Variants in NADSYN1 observed in about 807,000 individuals in gnomAD.
NADSYN1 encodes the protein NAD synthetase 1.
In NADSYN1, 80 loss-of-function variants were observed where a neutral mutation model predicts 99.3. The ratio of observed to expected loss-of-function variants is 0.81; its 90% CI spans 0.67 to 0.97. The LOEUF is 0.97. Among genes scored for constraint, NADSYN1 ranks in the 50% least tolerant of loss-of-function variants. The pLI, the probability that NADSYN1 is intolerant of heterozygous loss-of-function variation, is 0.00. For synonymous variants in NADSYN1, 385 were observed against 372.1 expected, an observed-to-expected ratio of 1.03 and a Z score of -0.40; for missense variants, 859 against 948.5, an observed-to-expected ratio of 0.91 and a Z score of 1.24.
intron 2 of NADSYN1, chr11:71,455,380 A>G (rs1156814759): frequency 1.2e-5 from 6 of 490,026 alleles, no homozygotes; most frequent in Non-Finnish European, 2.2e-5. Flanking sequence ...TTGAGTAATT[A>G]AAAGAACTGA....
intron 18 of NADSYN1, 120 bp downstream of exon 18, chr11:71,492,023 C>T: frequency 1.1e-6 from 1 of 920,736 alleles, no homozygotes; most frequent in Non-Finnish European, 1.6e-6. Context: ...TCACTGGGTC[C>T]CTGGCCTGGG....
chr11:71,492,885 A>G (rs80127228), intron 18 of NADSYN1, among the ~76,000 whole-genome samples: 1 of 134,968 alleles, frequency 7.4e-6, no homozygotes, highest in Admixed American at 7.3e-5. Flanking sequence ...AGTTGTCTCT[A>G]AATTTTTTTT....
At chr11:71,481,501 A>G (rs1439948720) in intron 12 of NADSYN1, 97 bp downstream of exon 12, 7 of 1,123,818 alleles carry the variant, frequency 6.2e-6, no homozygotes, top group African/African-American at 1.8e-5. Flanking sequence ...TTTTTTTTTT[A>G]GTGCAAACAA....
In NADSYN1 at chr11:71,501,345, T is replaced by G; in HGVS notation, c.2114T>G (p.Val705Gly). Residue 705 changes from valine to glycine, a missense_variant, in exon 21 of 21, where the codon GTG becomes GGG. Val to Gly is a moderately radical substitution (Grantham distance 109). Coordinates refer to ENST00000319023, the MANE Select transcript of NADSYN1 (RefSeq NM_018161.5). ...GCAGAGCCACAGTCCCTGGACGGCG[T>G]GGACTGAGGCCGGTTCCTTCCTGGA... ...ERAEPQSLDG[V>G]D The G allele has an allele frequency of 6.2e-7, 1 of 1,606,748 alleles. No individual in the cohort carries two copies. The highest frequency in any genetic ancestry group is 8.5e-7 in the Non-Finnish European group (1 of 1,177,002).
rs944492714 is a variant in NADSYN1, at chr11:71,458,330, G to A, written c.147-98G>A. 6.9e-5 allele frequency: 59 copies of A among 857,004 alleles called. No homozygotes were observed. In the African/African-American group the frequency reaches 8.9e-4, roughly 13 times the overall value. The allele number at this position is 857,004 out of a possible 1,614,324, so 53.1% of individuals were successfully genotyped here. On this transcript the variant is annotated intron_variant, in intron 2 of 20. Transcript: ENST00000319023. ...GGCTTTGAGAAAACACCTGAGCCCC[G>A]GCCCCCAGACACGTTCAGACTGGAC... is the stretch of plus-strand genomic sequence containing the variant.
At chr11:71,472,620 C>T (rs1401861683) in intron 6 of NADSYN1, 120 bp downstream of exon 6, 3 of 916,354 alleles carry the variant, frequency 3.3e-6, no homozygotes, top group Non-Finnish European at 5.3e-6. Flanking sequence ...ACAGTGCTCA[C>T]AGGTCTGAAA....
chr11:71,495,322 A>G (rs4944997), intron 18 of NADSYN1, among the ~76,000 whole-genome samples: 115,717 of 152,210 alleles, frequency 0.76, 46,033 homozygotes, highest in Non-Finnish European at 0.9. Context: ...CCACGTATGC[A>G]TGAATTTCCA....
rs369928082 is a variant in NADSYN1, at chr11:71,458,477, T to A, written c.196T>A (p.Ser66Thr). 6.9e-5 allele frequency: 111 copies of A among 1,613,924 alleles called. No homozygotes were observed. Among genetic ancestry groups the A allele is most frequent in the Non-Finnish European group, 8.6e-5 (102 of 1,179,948 alleles). ...TTACGAGTCGGACACCCTCTTGCAC[T>A]CGTTTCAAGTCCTAGCGGCCCTTGT... ...HYYESDTLLHSFQVLAALVES... is the reference protein window; with the variant it reads ...HYYESDTLLHTFQVLAALVES... The change falls in exon 3 of 21, where the codon TCG (serine) becomes ACG (threonine). Residue 66 changes from serine (S) to threonine (T), a missense_variant. Physicochemically the swap from Ser to Thr is moderately conservative, Grantham distance 58. Coordinates refer to ENST00000319023, the MANE Select transcript of NADSYN1 (RefSeq NM_018161.5).
chr11:71,490,274 C>T (rs1045623385), intron 16 of NADSYN1, among the ~76,000 whole-genome samples: 1 of 152,216 alleles, frequency 6.6e-6, no homozygotes, highest in South Asian at 2.1e-4. Flanking sequence ...CACTTTCACC[C>T]CCTTCTTTTA....
At chr11:71,483,162 C>T (rs1019263994) in intron 14 of NADSYN1, 145 bp downstream of exon 14, 22 of 1,002,212 alleles carry the variant, frequency 2.2e-5, no homozygotes, top group East Asian at 7.7e-5. Context: ...GTAAGTGCTC[C>T]ATCCCTTTTT....
intron 1 of NADSYN1, 93 bp downstream of exon 1, chr11:71,453,474 C>G: frequency 8.4e-7 from 1 of 1,190,208 alleles, no homozygotes; most frequent in East Asian, 2.6e-5. Context: ...ACAGCCTTGC[C>G]CTGGGAAACT....
chr11:71,454,025 A>G (rs1448408281), intron 1 of NADSYN1, among the ~76,000 whole-genome samples: 1 of 152,152 alleles, frequency 6.6e-6, no homozygotes, highest in African/African-American at 2.4e-5. Flanking sequence ...TTTCGTTCAT[A>G]TGGACGCACC....
intron 14 of NADSYN1, 30 bp downstream of exon 14, chr11:71,483,047 C>G: frequency 6.2e-7 from 1 of 1,610,254 alleles, no homozygotes; most frequent in Non-Finnish European, 8.5e-7. Flanking sequence ...TTGGGCATGG[C>G]AGGTGGCTGA....
intron 6 of NADSYN1, 128 bp from the exon 7 acceptor site, chr11:71,473,150 C>T (rs531781461): frequency 1.9e-5 from 17 of 886,340 alleles, no homozygotes; most frequent in Admixed American, 1.1e-4. Context: ...CCCACCTCTT[C>T]GGAATGTGCG....
chr11:71,461,870 G>A (rs1481782992), intron 3 of NADSYN1, among the ~76,000 whole-genome samples: 2 of 152,216 alleles, frequency 1.3e-5, no homozygotes, highest in African/African-American at 2.4e-5. Context: ...ATTACAGTAG[G>A]ACATGAGATT....
At chr11:71,496,116 T>C (rs1022835173) in intron 18 of NADSYN1, among the ~76,000 whole-genome samples, 5 of 152,104 alleles carry the variant, frequency 3.3e-5, no homozygotes, top group Non-Finnish European at 7.4e-5. Flanking sequence ...CTGCATCTGC[T>C]CCATGAGCCA....
chr11:71,484,862 A>C, intron 15 of NADSYN1: 1 of 199,202 alleles, frequency 5.0e-6, no homozygotes, highest in South Asian at 1.1e-4. Context: ...TGTGCTTGTG[A>C]GTGCTTGTGC....
In NADSYN1 at chr11:71,480,805, G is replaced by A. The variant is rs76770512; in HGVS notation, c.924G>A (p.Ser308=). 2.1e-4 allele frequency: 333 copies of A among 1,614,040 alleles called. No homozygotes were observed. The highest frequency in any genetic ancestry group is 8.0e-4 in the East Asian group (36 of 44,884). Residue 308 remains serine (S), a synonymous_variant, in exon 11 of 21, where the codon TCG becomes TCA. Coordinates refer to ENST00000319023, the MANE Select transcript of NADSYN1 (RefSeq NM_018161.5). The part of the protein sequence containing the change: ...YPRVKVDFAL[S]CHEDLLAPIS... ...GAGTGAAGGTGGACTTTGCCCTCTCGTGCCACGAGGACTTGCTGGCACCCA... is the reference window on the plus strand; with the variant it reads ...GAGTGAAGGTGGACTTTGCCCTCTCATGCCACGAGGACTTGCTGGCACCCA...
Position 71,482,087 on chromosome 11 carries a change from A to G in NADSYN1, c.1150+62A>G, listed in dbSNP as rs1032725025. ...GTCCAGCCCTTGGGCTGCCTGAGTT[A>G]GGGACCTAGGAGGGGGCAGAGGAAA... On this transcript the variant is annotated intron_variant, in intron 13 of 20. Coordinates refer to ENST00000319023, the MANE Select transcript of NADSYN1 (RefSeq NM_018161.5). 3.4e-6 allele frequency: 5 copies of G among 1,481,446 alleles called. No individual in the cohort carries two copies. The Admixed American group carries it at 9.7e-5, about 29-fold the overall frequency. 91.8% of individuals were successfully genotyped at this position (1,481,446 alleles called of 1,614,324 possible).
Sources: allele counts gnomAD v4.1 joint callset (sites outside exome capture counted in the v4.1 genomes callset), GRCh38; gene constraint gnomAD v4.1.1; transcripts MANE v1.5; gene names NCBI Gene and HGNC (gene_info 2026-07-23, HGNC 2026-07-21).